The following SPAG11B variants were observed in gnomAD, a reference collection of about 807,000 sequenced individuals.
SPAG11B encodes sperm-associated antigen 11B.
SPAG11B carries 5 observed loss-of-function variants against 8.9 expected under a neutral mutation model. The ratio of observed to expected loss-of-function variants is 0.56; its 90% CI spans 0.29 to 1.19. The LOEUF is 1.19. Ranked by LOEUF, SPAG11B falls within the 50% of genes most tolerant of loss-of-function variation. The probability of loss-of-function intolerance (pLI) is 0.08; values close to 1 mark genes in which losing one functional copy is unlikely to be tolerated. For missense variants in SPAG11B, 38 were observed against 146.4 expected (o/e 0.26, Z 3.82); for synonymous variants, 12 against 53.0 (o/e 0.23, Z 3.36).
rs1157672906 is a variant in SPAG11B at position 7,459,484 on chromosome 8, G to A, written c.214+3223C>T. 3.4e-5 allele frequency among the ~76,000 whole-genome samples: 5 copies of A among 147,952 alleles called. 1 individual carries two copies. The highest frequency in any genetic ancestry group is 1.2e-4 in the African/African-American group (5 of 40,292). The stretch of plus-strand genomic sequence containing the variant: ...TAATTGAAAGACTACTACACATCAA[G>A]CAACTGAGAAAATATTCATGTGAAA... On this transcript the variant is annotated intron_variant, in intron 2 of 2. Coordinates refer to ENST00000398462, the MANE Select transcript of SPAG11B (RefSeq NM_058201.4).
At chr8:7,451,621 T>A (rs1250808450) in intron 2 of SPAG11B, among the ~76,000 whole-genome samples, 2 of 130,202 alleles carry the variant, frequency 1.5e-5, no homozygotes, top group Non-Finnish European at 3.2e-5. Context: ...CTCAGCCCTG[T>A]CACAGCTTGG....
At chr8:7,448,791 T>C (rs1189014174), downstream of SPAG11B, among the ~76,000 whole-genome samples, 1 of 131,748 alleles carries the variant, frequency 7.6e-6, no homozygotes. Flanking sequence ...CTCCTCCCCT[T>C]CCCTTCCCTT....
chr8:7,449,767 A>T (rs1810010208), downstream of SPAG11B, among the ~76,000 whole-genome samples: 1 of 144,714 alleles, frequency 6.9e-6, no homozygotes, highest in South Asian at 2.2e-4. Context: ...ATTCAGAAGC[A>T]CACTGGACTC....
chr8:7,450,661 C>G lies in SPAG11B; in HGVS notation c.*52G>C. The G allele has an allele frequency of 6.5e-7, 1 of 1,537,544 alleles. No individual in the cohort carries two copies. Reference sequence around the variant, plus strand: ...GAACACCTACTATAAGCCACACATTCCTTTAAGCCCTTGGGATACTTCAAC... The same window carrying G: ...GAACACCTACTATAAGCCACACATTGCTTTAAGCCCTTGGGATACTTCAAC... On this transcript the variant is annotated 3_prime_UTR_variant, in exon 3 of 3. Coordinates refer to ENST00000398462, the MANE Select transcript of SPAG11B (RefSeq NM_058201.4).
downstream of SPAG11B, among the ~76,000 whole-genome samples, chr8:7,448,809 A>G (rs2740041): frequency 0.41 from 42,736 of 104,002 alleles, 5,064 homozygotes; most frequent in East Asian, 0.45. Context: ...CTTCCCTTCC[A>G]TGTTTGCTTC....
intron 2 of SPAG11B, chr8:7,451,107 G>T: frequency 6.5e-7 from 1 of 1,547,410 alleles, no homozygotes; most frequent in Non-Finnish European, 8.8e-7. Context: ...GATAGGGTGT[G>T]TTTTATGAAT....
intron 2 of SPAG11B, among the ~76,000 whole-genome samples, chr8:7,453,606 T>G (rs528351766): frequency 3.3e-5 from 5 of 150,394 alleles, no homozygotes; most frequent in Non-Finnish European, 4.4e-5. Context: ...AGCTGTCTTC[T>G]GCGTTATTTA....
In SPAG11B at chr8:7,453,538, T is replaced by C. The variant is rs529096989; in HGVS notation, c.215-2638A>G. Among the ~76,000 whole-genome samples the C allele has an allele frequency of 1.1e-4, 17 of 148,736 alleles. No individual in the cohort carries two copies. In the South Asian group the frequency reaches 3.6e-3, roughly 31 times the overall value. On this transcript the variant is annotated intron_variant, in intron 2 of 2. Coordinates refer to ENST00000398462, the MANE Select transcript of SPAG11B (RefSeq NM_058201.4). ...ATCATTCTGGACTTGCCTATATTAC[T>C]TGTTATAGCTTGCAGAGCCTTGTTA...
At chr8:7,457,613 GTT>G (rs764227577) in intron 2 of SPAG11B, among the ~76,000 whole-genome samples, 1 of 78,364 alleles carries the variant, frequency 1.3e-5, no homozygotes, top group East Asian at 3.0e-4. Flanking sequence ...ACTTTTTAGA[GTT>G]TTTTTTGGTT....
At position 7,462,826 on chromosome 8, in the gene SPAG11B, G is replaced by C. The variant is rs771085144; in HGVS notation, c.95C>G (p.Ala32Gly). 1 of 1,613,510 alleles carries C rather than the reference G, an allele frequency of 6.2e-7. No homozygotes were observed. The highest frequency in any genetic ancestry group is 8.5e-7 in the Non-Finnish European group (1 of 1,179,828). The change falls in exon 2 of 3, where the codon GCC (alanine) becomes GGC (glycine). Residue 32 changes from alanine to glycine, a missense_variant. Ala to Gly is a moderately conservative substitution (Grantham distance 60). Around this residue, in one of 3 missense-constraint regions of SPAG11B, gnomAD observed 0 missense variants for 69.7 expected, o/e 0.00. Coordinates refer to ENST00000398462, the MANE Select transcript of SPAG11B (RefSeq NM_058201.4). ...SSQARHVNHSATEALGELRER... is the reference protein window; with the variant it reads ...SSQARHVNHSGTEALGELRER... ...CCTGAGTTCTCCGAGAGCCTCAGTG[G>C]CTGAGTGGTTCACATGTCTGGCTTG...
At chr8:7,448,939 A>G (rs1220951006), downstream of SPAG11B, among the ~76,000 whole-genome samples, 1 of 143,250 alleles carries the variant, frequency 7.0e-6, no homozygotes, top group Non-Finnish European at 1.5e-5. Flanking sequence ...ATTTTACATA[A>G]GAGGGAGATG....
intron 2 of SPAG11B, among the ~76,000 whole-genome samples, chr8:7,454,322 T>TTTTAAAAGTCACTAAG (rs1810373940): frequency 9.4e-6 from 1 of 106,896 alleles, no homozygotes; most frequent in Non-Finnish European, 1.8e-5. Context: ...TAAGATGACT[T>TTTTAAAAGTCACTAAG]ATAGATAAAA....
chr8:7,449,466 G>T (rs1318278316), downstream of SPAG11B, among the ~76,000 whole-genome samples: 12 of 148,944 alleles, frequency 8.1e-5, no homozygotes, highest in Admixed American at 6.7e-4. Context: ...GCTAATAGGG[G>T]CCAATGCCCT....
At chr8:7,453,720 T>C (rs1171469790) in intron 2 of SPAG11B, among the ~76,000 whole-genome samples, 1 of 148,978 alleles carries the variant, frequency 6.7e-6, no homozygotes, top group East Asian at 2.0e-4. Flanking sequence ...GGGTGAACAG[T>C]GTGAGCATCT....
intron 2 of SPAG11B, among the ~76,000 whole-genome samples, chr8:7,453,246 A>G (rs1464592728): frequency 7.0e-6 from 1 of 143,536 alleles, no homozygotes; most frequent in African/African-American, 2.8e-5. Context: ...GTGGGTTTAT[A>G]TAATGTGTGG....
At position 7,450,842 on chromosome 8, in the gene SPAG11B, T is replaced by G; in HGVS notation, c.273A>C (p.Arg91Ser). The G allele has an allele frequency of 1.2e-6, 2 of 1,601,592 alleles. No individual in the cohort carries two copies. Among genetic ancestry groups the G allele is most frequent in the East Asian group, 2.2e-5 (1 of 44,734 alleles). ...TCTCACCAGAATGGCAGAAAAAAAG[T>G]CTGCAGATCCCTTGCTGCATATGGC... is the stretch of plus-strand genomic sequence containing the variant. ...TICHMQQGIC[R>S]LFFCHSGEKK... The change falls in exon 3 of 3, where the codon AGA becomes AGC. Residue 91 changes from arginine (R) to serine (S), a missense_variant. This residue lies in a region of SPAG11B where 29 missense variants were observed against 28.0 expected (regional missense o/e 1.03). Coordinates refer to ENST00000398462, the MANE Select transcript of SPAG11B (RefSeq NM_058201.4).
chr8:7,449,882 A>AT (rs1156568151), downstream of SPAG11B, among the ~76,000 whole-genome samples: 3 of 137,386 alleles, frequency 2.2e-5, no homozygotes, highest in Non-Finnish European at 4.7e-5. Flanking sequence ...TGTTTTTATT[A>AT]TTTTTTAAAT....
rs1332122490 is a variant in SPAG11B at position 7,454,082 on chromosome 8, CAA to C, written c.215-3184_215-3183del. 8.5e-4 allele frequency among the ~76,000 whole-genome samples: 58 copies of C among 67,894 alleles called. 1 individual carries two copies. The highest frequency in any genetic ancestry group is 7.8e-3 in the East Asian group (19 of 2,448). 44.5% of individuals were successfully genotyped at this position (67,894 alleles called of 152,430 possible). ...TTCTGAAGACATCTCTGAAATCTCT[CAA>C]AAAAAAAAAAAAAAAGAAAGAAAGA... On this transcript the variant is annotated intron_variant, in intron 2 of 2. Transcript: ENST00000398462.
At chr8:7,457,049 C>T (rs1207685886) in intron 2 of SPAG11B, among the ~76,000 whole-genome samples, 2 of 93,698 alleles carry the variant, frequency 2.1e-5, no homozygotes, top group Admixed American at 2.3e-4. Context: ...CAGGTAGGCT[C>T]CAAAGTCTCC....
Sources: gnomAD v4.1 joint callset for allele counts (sites outside exome capture counted in the v4.1 genomes callset) on GRCh38, gnomAD v4.1.1 for gene constraint, gnomAD v4.1.1 regional missense constraint, MANE v1.5 for transcripts, NCBI Gene and HGNC (gene_info 2026-07-23, HGNC 2026-07-21) for gene names.